RSPO2: variants seen among roughly 807,000 people sequenced by gnomAD.
RSPO2 encodes R-spondin-2.
In RSPO2, 14 loss-of-function variants were observed where a neutral mutation model predicts 30.9. The observed-to-expected ratio is 0.45, with a 90% CI of 0.30 to 0.71. The LOEUF (loss-of-function observed/expected upper bound fraction) is 0.71, where lower values mean the gene tolerates loss of function less well. Among genes scored for constraint, RSPO2 ranks in the 30% least tolerant of loss-of-function variants. The probability of loss-of-function intolerance (pLI) is 0.08; values close to 1 mark genes in which losing one functional copy is unlikely to be tolerated. For missense variants in RSPO2, 264 were observed against 301.9 expected (o/e 0.87, Z 0.93); for synonymous variants, 107 against 96.4 (o/e 1.11, Z -0.64).
intron 5 of RSPO2, among the ~76,000 whole-genome samples, chr8:107,937,869 T>TCC (rs1300836800): frequency 1.3e-5 from 2 of 152,086 alleles, no homozygotes; most frequent in East Asian, 1.9e-4. Flanking sequence ...CAGGTAGTGC[T>TCC]CCCCATCAAT....
At chr8:107,974,828 G>A (rs1048458745) in intron 3 of RSPO2, among the ~76,000 whole-genome samples, 1 of 129,942 alleles carries the variant, frequency 7.7e-6, no homozygotes, top group African/African-American at 2.8e-5. Context: ...ATGCAGGATT[G>A]TGAACACACA....
chr8:107,999,362 GT>G (rs1314449492), intron 2 of RSPO2, among the ~76,000 whole-genome samples: 2 of 77,132 alleles, frequency 2.6e-5, no homozygotes, highest in African/African-American at 3.3e-4. Flanking sequence ...AGGATTAAAG[GT>G]CTTAGATCAT....
At chr8:107,996,436 C>T (rs1045832670) in intron 2 of RSPO2, among the ~76,000 whole-genome samples, 4 of 152,156 alleles carry the variant, frequency 2.6e-5, no homozygotes, top group East Asian at 1.9e-4. Flanking sequence ...AACATACTGA[C>T]GAACTTCTGC....
At chr8:107,939,662 C>T (rs183604434) in intron 5 of RSPO2, among the ~76,000 whole-genome samples, 1 of 151,880 alleles carries the variant, frequency 6.6e-6, no homozygotes, top group East Asian at 1.9e-4. Context: ...CATAAAGCAC[C>T]TTCTCAACTT....
In RSPO2 at chr8:107,958,370, AC is replaced by A. The variant is rs1813500705; in HGVS notation, c.428-103del. ...TTTACAGAGCAGTGTTCCTTCACTA[AC>A]CCCACCTTCAGATACCAAAAATTAA... On this transcript the variant is annotated intron_variant, in intron 4 of 5. Transcript: ENST00000276659. 4.5e-6 allele frequency: 4 copies of A among 891,776 alleles called. No homozygotes were observed. The East Asian group carries it at 1.0e-4, about 23-fold the overall frequency. 55.2% of individuals were successfully genotyped at this position (891,776 alleles called of 1,614,324 possible).
chr8:108,037,320 C>A (rs1811627649), intron 2 of RSPO2, among the ~76,000 whole-genome samples: 1 of 152,186 alleles, frequency 6.6e-6, no homozygotes, highest in African/African-American at 2.4e-5. Flanking sequence ...CCAGCCAGAA[C>A]ATTCCTTTAA....
intron 5 of RSPO2, among the ~76,000 whole-genome samples, chr8:107,926,979 C>T (rs1293127309): frequency 3.9e-5 from 6 of 152,058 alleles, no homozygotes; most frequent in Non-Finnish European, 8.8e-5. Flanking sequence ...CTATAAATTA[C>T]CTTGGGCAGT....
At chr8:107,927,910 G>C (rs1812436281) in intron 5 of RSPO2, among the ~76,000 whole-genome samples, 1 of 152,042 alleles carries the variant, frequency 6.6e-6, no homozygotes, top group African/African-American at 2.4e-5. Context: ...ATATAATGGA[G>C]AGCAACTCAC....
chr8:108,077,014 C>A (rs924240556), intron 2 of RSPO2, among the ~76,000 whole-genome samples: 1 of 152,012 alleles, frequency 6.6e-6, no homozygotes, highest in African/African-American at 2.4e-5. Flanking sequence ...AGAACTGTAC[C>A]GATGCTGGAC....
chr8:108,032,188 A>G (rs1197136755), intron 2 of RSPO2, among the ~76,000 whole-genome samples: 1 of 152,254 alleles, frequency 6.6e-6, no homozygotes, highest in Non-Finnish European at 1.5e-5. Context: ...AAACAAGAAT[A>G]GAAAAGGAAA....
intron 5 of RSPO2, among the ~76,000 whole-genome samples, chr8:107,906,834 G>A (rs530325342): frequency 1.4e-4 from 21 of 152,044 alleles, no homozygotes; most frequent in Admixed American, 1.2e-3. Flanking sequence ...TGTGATGTAT[G>A]TATATAATGT....
At chr8:107,968,369 T>C (rs1164611765) in intron 3 of RSPO2, among the ~76,000 whole-genome samples, 2 of 152,056 alleles carry the variant, frequency 1.3e-5, no homozygotes, top group Non-Finnish European at 2.9e-5. Flanking sequence ...TATCAAATAT[T>C]TTCATTCACC....
At chr8:108,013,715 GACTTAAATGTAAA>G (rs1319464568) in intron 2 of RSPO2, among the ~76,000 whole-genome samples, 2 of 152,138 alleles carry the variant, frequency 1.3e-5, no homozygotes, top group Admixed American at 1.3e-4. Flanking sequence ...ATAGATTAAA[GACTTAAATGTAAA>G]ACCCAAGACC....
chr8:108,041,223 A>G (rs976697026), intron 2 of RSPO2, among the ~76,000 whole-genome samples: 8 of 145,416 alleles, frequency 5.5e-5, no homozygotes, highest in Admixed American at 2.7e-4. Context: ...AAAAAAAAAA[A>G]GAAGAGCCCT....
At chr8:108,046,649 C>T (rs78361446) in intron 2 of RSPO2, among the ~76,000 whole-genome samples, 8,873 of 152,134 alleles carry the variant, frequency 0.058, 753 homozygotes, top group African/African-American at 0.19. Flanking sequence ...ACAAAAAAAA[C>T]TGCTCTATTA....
At chr8:107,934,495 C>A (rs182141513) in intron 5 of RSPO2, among the ~76,000 whole-genome samples, 1 of 152,192 alleles carries the variant, frequency 6.6e-6, no homozygotes, top group East Asian at 1.9e-4. Flanking sequence ...GCCTCAGCCT[C>A]CCAAGTAGCT....
intron 2 of RSPO2, among the ~76,000 whole-genome samples, chr8:108,080,119 CTA>C (rs1813147715): frequency 6.6e-6 from 1 of 152,184 alleles, no homozygotes; most frequent in African/African-American, 2.4e-5. Flanking sequence ...AGTTAGATCT[CTA>C]TTCATTTCAA....
At chr8:107,997,579 C>T (rs746461678) in intron 2 of RSPO2, among the ~76,000 whole-genome samples, 6 of 152,188 alleles carry the variant, frequency 3.9e-5, no homozygotes, top group Non-Finnish European at 5.9e-5. Context: ...CAAACCCACA[C>T]ATATCCCCTT....
chr8:108,000,933 T>C (rs1048897366), intron 2 of RSPO2, among the ~76,000 whole-genome samples: 4 of 151,100 alleles, frequency 2.6e-5, no homozygotes, highest in Admixed American at 2.0e-4. Flanking sequence ...ACCAGGGAGG[T>C]GGAGCTTGCA....
Sources: allele counts gnomAD v4.1 joint callset (sites outside exome capture counted in the v4.1 genomes callset), GRCh38; gene constraint gnomAD v4.1.1; transcripts MANE v1.5; gene names NCBI Gene and HGNC (gene_info 2026-07-23, HGNC 2026-07-21).